The following TMOD3 variants were observed in gnomAD, a reference collection of about 807,000 sequenced individuals.
TMOD3 encodes the protein tropomodulin-3.
In TMOD3, 20 loss-of-function variants were observed where a neutral mutation model predicts 39.2. That is an observed-to-expected ratio of 0.51 (90% CI 0.36 to 0.74). The LOEUF is 0.74. Ranked by LOEUF, TMOD3 falls within the 30% of genes least tolerant of loss-of-function variation. The probability of loss-of-function intolerance (pLI) is 0.00; values close to 1 mark genes in which losing one functional copy is unlikely to be tolerated. For missense variants in TMOD3, 381 were observed against 412.8 expected (o/e 0.92, Z 0.67); for synonymous variants, 143 against 145.8 (o/e 0.98, Z 0.14).
intron 1 of TMOD3, among the ~76,000 whole-genome samples, chr15:51,855,784 G>C (rs945856875): frequency 6.6e-6 from 1 of 152,128 alleles, no homozygotes; most frequent in Non-Finnish European, 1.5e-5. Context: ...TGTCATCCCA[G>C]AACAGAAAGA....
intron 3 of TMOD3, among the ~76,000 whole-genome samples, chr15:51,882,009 C>T (rs190395580): frequency 6.6e-6 from 1 of 151,718 alleles, no homozygotes; most frequent in East Asian, 2.0e-4. Flanking sequence ...ATTCTCCTGC[C>T]TCAGCCTCCC....
rs974787720 is a variant in TMOD3 at position 51,905,868 on chromosome 15, C to T, written c.1025-2908C>T. ...CTGAGGCAGGAGAATGGCGTGAACC[C>T]GGGAAGCGGAGCTTGCAGTGAGCCG... On this transcript the variant is annotated intron_variant, in intron 9 of 9. Coordinates refer to ENST00000308580, the MANE Select transcript of TMOD3 (RefSeq NM_014547.5). Among the ~76,000 whole-genome samples the T allele has an allele frequency of 2.2e-5, 3 of 135,602 alleles. No individual in the cohort carries two copies. In the South Asian group the frequency reaches 7.3e-4, roughly 33 times the overall value. 89.0% of individuals were successfully genotyped at this position (135,602 alleles called of 152,430 possible).
intron 3 of TMOD3, among the ~76,000 whole-genome samples, chr15:51,879,623 C>T (rs1355222804): frequency 6.6e-6 from 1 of 151,722 alleles, no homozygotes; most frequent in African/African-American, 2.4e-5. Flanking sequence ...TAGATCAACT[C>T]AGGATAACTC....
intron 2 of TMOD3, among the ~76,000 whole-genome samples, chr15:51,868,513 A>T (rs1006917085): frequency 5.3e-5 from 8 of 152,152 alleles, no homozygotes; most frequent in African/African-American, 1.9e-4. Context: ...ACTTAGCTCT[A>T]TATGTGTGCT....
intron 1 of TMOD3, among the ~76,000 whole-genome samples, chr15:51,851,172 A>C (rs1286478935): frequency 6.6e-6 from 1 of 152,148 alleles, no homozygotes; most frequent in Non-Finnish European, 1.5e-5. Flanking sequence ...TGTGGAGCTG[A>C]GGTAAGCTGA....
intron 1 of TMOD3, among the ~76,000 whole-genome samples, chr15:51,855,399 A>C (rs2056383022): frequency 6.6e-6 from 1 of 152,246 alleles, no homozygotes. Flanking sequence ...TGATGCACTC[A>C]AAAGCAGGAG....
At chr15:51,835,267 T>G (rs2056276770) in intron 1 of TMOD3, among the ~76,000 whole-genome samples, 1 of 152,134 alleles carries the variant, frequency 6.6e-6, no homozygotes, top group African/African-American at 2.4e-5. Context: ...ATAGATGCAA[T>G]TATATATAAG....
intron 6 of TMOD3, among the ~76,000 whole-genome samples, chr15:51,895,516 G>C (rs554868544): frequency 7.9e-5 from 12 of 151,840 alleles, no homozygotes; most frequent in African/African-American, 2.7e-4. Flanking sequence ...CACTGCGCCC[G>C]GCCTATTTTT....
In TMOD3 at chr15:51,910,814, A is replaced by G. The variant is rs1013543855; in HGVS notation, c.*2004A>G. On this transcript the variant is annotated 3_prime_UTR_variant, in exon 10 of 10. Transcript: ENST00000308580. ...GTTTTGTTTTTTAAATCAGTATCCA[A>G]TGTTTTATAGGGGCCAAAGGTTAAC... is the stretch of plus-strand genomic sequence containing the variant. The G allele has an allele frequency of 6.6e-6, 1 of 151,158 alleles. No individual in the cohort carries two copies. Among genetic ancestry groups the G allele is most frequent in the Admixed American group, 6.6e-5 (1 of 15,140 alleles). The allele number at this position is 151,158 out of a possible 1,614,324, so 9.4% of individuals were successfully genotyped here.
chr15:51,879,656 T>C (rs945579825), intron 3 of TMOD3, among the ~76,000 whole-genome samples: 19 of 152,124 alleles, frequency 1.2e-4, no homozygotes, highest in African/African-American at 4.6e-4. Context: ...TAGGGACTGA[T>C]ATTATACAGA....
chr15:51,859,655 C>G, intron 1 of TMOD3: 1 of 502,864 alleles, frequency 2.0e-6, no homozygotes, highest in South Asian at 1.7e-5. Context: ...CCAAGAAGTC[C>G]ACAATGGTAG....
intron 6 of TMOD3, among the ~76,000 whole-genome samples, chr15:51,895,078 C>T (rs543386978): frequency 1.3e-5 from 2 of 151,984 alleles, no homozygotes; most frequent in Admixed American, 6.6e-5. Context: ...TTTTTGAAGT[C>T]GAGGACAAGT....
intron 7 of TMOD3, chr15:51,899,215 T>C (rs921954756): frequency 6.6e-6 from 1 of 152,200 alleles, no homozygotes; most frequent in East Asian, 1.9e-4. Flanking sequence ...GAAAAGATGT[T>C]ACAGCGACAT....
chr15:51,889,208 G>C, intron 5 of TMOD3, 63 bp downstream of exon 5: 4 of 1,135,680 alleles, frequency 3.5e-6, no homozygotes, highest in Non-Finnish European at 5.2e-6. Flanking sequence ...TTTTCGCCTT[G>C]TGTCAGCTTA....
At chr15:51,844,367 G>A (rs1415202283) in intron 1 of TMOD3, among the ~76,000 whole-genome samples, 1 of 152,144 alleles carries the variant, frequency 6.6e-6, no homozygotes, top group Admixed American at 6.5e-5. Context: ...GAATGATGGG[G>A]GGAGGAAAAC....
chr15:51,887,236 A>C (rs1418608110), intron 3 of TMOD3, among the ~76,000 whole-genome samples: 3 of 139,610 alleles, frequency 2.1e-5, no homozygotes, highest in Non-Finnish European at 3.1e-5. Flanking sequence ...AAAAAAAAGG[A>C]AATTGGATTC....
intron 3 of TMOD3, among the ~76,000 whole-genome samples, chr15:51,879,941 A>G (rs965191535): frequency 6.6e-6 from 1 of 151,594 alleles, no homozygotes. Flanking sequence ...TGTGTCTATT[A>G]TGTTTCTCAT....
chr15:51,882,120 C>G (rs912470844), intron 3 of TMOD3, among the ~76,000 whole-genome samples: 3 of 151,840 alleles, frequency 2.0e-5, no homozygotes, highest in Non-Finnish European at 4.4e-5. Flanking sequence ...GTCTCGATCT[C>G]CTAACCTCAG....
At chr15:51,859,039 G>A (rs923852150) in intron 1 of TMOD3, 1 of 381,698 alleles carries the variant, frequency 2.6e-6, no homozygotes, top group Middle Eastern at 7.9e-4. Context: ...AAATTAACAA[G>A]TTAATATAAA....
Sources: allele counts gnomAD v4.1 joint callset (sites outside exome capture counted in the v4.1 genomes callset), GRCh38; gene constraint gnomAD v4.1.1; transcripts MANE v1.5; gene names NCBI Gene and HGNC (gene_info 2026-07-23, HGNC 2026-07-21).